SORCS2: variants seen among roughly 807,000 people sequenced by gnomAD.
The protein encoded by SORCS2 is sortilin related VPS10 domain containing receptor 2.
SORCS2 carries 100 observed loss-of-function variants against 141.6 expected under a neutral mutation model. The observed-to-expected ratio is 0.71, with a 90% CI of 0.60 to 0.83. The LOEUF (loss-of-function observed/expected upper bound fraction) is 0.83. Among genes scored for constraint, SORCS2 ranks in the 40% least tolerant of loss-of-function variants. The probability of loss-of-function intolerance (pLI) is 0.00; values close to 1 mark genes in which losing one functional copy is unlikely to be tolerated. For synonymous variants in SORCS2, 789 were observed against 676.9 expected, an observed-to-expected ratio of 1.17 and a Z score of -2.57; for missense variants, 1,646 against 1,560.2, an observed-to-expected ratio of 1.05 and a Z score of -0.93.
chr4:7,192,729 C>T lies in SORCS2; in HGVS notation c.83C>T (p.Pro28Leu). ...CCGAGCCCCGGGGCTCCGCCGCCGC[C>T]GCGCTCGCCGCGCTCGCGGCCGCTC... Reference protein sequence around the residue: ...RAPSPGAPPPPRSPRSRPLLL... With the variant: ...RAPSPGAPPPLRSPRSRPLLL... The change falls in exon 1 of 27, where the codon CCG (proline) becomes CTG (leucine). Residue 28 changes from proline (P) to leucine (L), a missense_variant. Pro to Leu is a moderately conservative substitution (Grantham distance 98). Transcript: ENST00000507866. This position sits in a 1 kb window ranked among gnomAD's most constrained non-coding sequence, Gnocchi z 4.0. The T allele has an allele frequency of 2.0e-6, 2 of 991,134 alleles. No individual in the cohort carries two copies. The highest frequency in any genetic ancestry group is 2.4e-6 in the Non-Finnish European group (2 of 835,412). The allele number at this position is 991,134 out of a possible 1,614,324, so 61.4% of individuals were successfully genotyped here.
intron 11 of SORCS2, among the ~76,000 whole-genome samples, chr4:7,693,451 G>T (rs565134811): frequency 6.6e-6 from 1 of 152,184 alleles, no homozygotes; most frequent in African/African-American, 2.4e-5. Flanking sequence ...GAAAGCCAAA[G>T]AGTGCAGAGT....
intron 14 of SORCS2, among the ~76,000 whole-genome samples, chr4:7,712,117 G>A (rs893633579): frequency 7.2e-5 from 11 of 152,090 alleles, no homozygotes; most frequent in African/African-American, 2.7e-4. Flanking sequence ...TCTGTCTTCC[G>A]CCTCTTCCCC....
At chr4:7,556,683 CCCACCTACCCTT>C (rs1714130786) in intron 3 of SORCS2, among the ~76,000 whole-genome samples, 1 of 151,992 alleles carries the variant, frequency 6.6e-6, no homozygotes, top group African/African-American at 2.4e-5. Flanking sequence ...CATCCAGTCA[CCCACCTACCCTT>C]CCACCTACCC....
At chr4:7,217,922 C>T (rs971851828) in intron 1 of SORCS2, among the ~76,000 whole-genome samples, 5 of 152,202 alleles carry the variant, frequency 3.3e-5, no homozygotes, top group Admixed American at 2.6e-4. Flanking sequence ...GACAGCTGTG[C>T]TGGCCGGGGT....
intron 3 of SORCS2, among the ~76,000 whole-genome samples, chr4:7,623,539 G>A (rs981478463): frequency 6.6e-6 from 1 of 152,028 alleles, no homozygotes; most frequent in African/African-American, 2.4e-5. Context: ...GTAGGAGCCG[G>A]GGGCCTTCCA....
chr4:7,567,273 G>C (rs1715083429), intron 3 of SORCS2, among the ~76,000 whole-genome samples: 1 of 152,062 alleles, frequency 6.6e-6, no homozygotes, highest in Admixed American at 6.5e-5. Context: ...ACTGTATTCA[G>C]ATTTCCTTAG....
intron 1 of SORCS2, among the ~76,000 whole-genome samples, chr4:7,366,573 A>G (rs534125922): frequency 3.5e-4 from 51 of 144,466 alleles, no homozygotes; most frequent in African/African-American, 1.2e-3. Flanking sequence ...CAGCCTTGCT[A>G]GTTTCTGTCT....
At chr4:7,589,730 G>A (rs1028231417) in intron 3 of SORCS2, among the ~76,000 whole-genome samples, 3 of 152,204 alleles carry the variant, frequency 2.0e-5, no homozygotes, top group Non-Finnish European at 4.4e-5. Context: ...TGCCCTGTGT[G>A]TAGTAATACC....
intron 26 of SORCS2, among the ~76,000 whole-genome samples, chr4:7,739,954 G>A (rs544768659): frequency 1.3e-3 from 193 of 152,256 alleles, no homozygotes; most frequent in African/African-American, 4.2e-3. Context: ...GGTTGGGGCC[G>A]GCCTGGGCCT....
chr4:7,635,816 G>A (rs1175079269), intron 3 of SORCS2, among the ~76,000 whole-genome samples: 3 of 152,272 alleles, frequency 2.0e-5, no homozygotes, highest in Middle Eastern at 3.4e-3. Context: ...CGCTCTCCAC[G>A]GAGGCCACAT....
chr4:7,621,289 C>T (rs1719155987), intron 3 of SORCS2, among the ~76,000 whole-genome samples: 1 of 152,186 alleles, frequency 6.6e-6, no homozygotes, highest in Non-Finnish European at 1.5e-5. Context: ...CACACCCCTC[C>T]CTGCATCTAC....
chr4:7,464,914 G>T (rs1362629651), intron 2 of SORCS2, among the ~76,000 whole-genome samples: 3 of 152,228 alleles, frequency 2.0e-5, no homozygotes, highest in Admixed American at 1.3e-4. Context: ...TCCGGCCATG[G>T]GTCCCGGCAG....
At chr4:7,532,947 C>T (rs28655382) in intron 3 of SORCS2, among the ~76,000 whole-genome samples, 6 of 151,706 alleles carry the variant, frequency 4.0e-5, no homozygotes, top group Non-Finnish European at 5.9e-5. Flanking sequence ...ACACGAGAGG[C>T]GCCTGCTGGA....
chr4:7,414,847 G>A (rs189716270), intron 2 of SORCS2, among the ~76,000 whole-genome samples: 76 of 152,226 alleles, frequency 5.0e-4, no homozygotes, highest in Non-Finnish European at 8.8e-4. Flanking sequence ...TACATGGTTG[G>A]TGTTGGTACC....
chr4:7,553,103 A>C (rs1449303798), intron 3 of SORCS2, among the ~76,000 whole-genome samples: 2 of 152,146 alleles, frequency 1.3e-5, no homozygotes, highest in Non-Finnish European at 2.9e-5. Flanking sequence ...GGCGCTAAGC[A>C]GGGGTCTGGA....
chr4:7,588,172 C>T (rs796334315), intron 3 of SORCS2, among the ~76,000 whole-genome samples: 124 of 152,282 alleles, frequency 8.1e-4, no homozygotes, highest in African/African-American at 2.8e-3. Context: ...ACATCTTCTG[C>T]GGTCGGCAAA....
chr4:7,539,680 A>ACCCCCGTTATGGAGGCCCTGC (rs1712415650), intron 3 of SORCS2, among the ~76,000 whole-genome samples: 2 of 134,228 alleles, frequency 1.5e-5, no homozygotes, highest in Non-Finnish European at 3.2e-5. Context: ...CAAGGCCCCG[A>ACCCCCGTTATGGAGGCCCTGC]CCCCCGTTAT....
chr4:7,407,242 G>T (rs1286645210), intron 2 of SORCS2, among the ~76,000 whole-genome samples: 2 of 152,006 alleles, frequency 1.3e-5, no homozygotes, highest in African/African-American at 2.4e-5. Context: ...TTCTGTCTGG[G>T]TGATCTGTCC....
intron 8 of SORCS2, among the ~76,000 whole-genome samples, chr4:7,675,109 T>C (rs1187882011): frequency 6.6e-6 from 1 of 152,258 alleles, no homozygotes; most frequent in Non-Finnish European, 1.5e-5. Flanking sequence ...ATAGCATTTG[T>C]TGCTGGCTGG....
Sources: allele counts gnomAD v4.1 joint callset (sites outside exome capture counted in the v4.1 genomes callset), GRCh38; gene constraint gnomAD v4.1.1; non-coding constraint Gnocchi (gnomAD v3.1); transcripts MANE v1.5; gene names NCBI Gene and HGNC (gene_info 2026-07-23, HGNC 2026-07-21).